ADGRA3: variants seen among roughly 807,000 people sequenced by gnomAD.
The protein encoded by ADGRA3 is G-protein coupled receptor 125.
Under a neutral mutation model 119.8 loss-of-function variants are expected in ADGRA3, and 56 were observed. The ratio of observed to expected loss-of-function variants is 0.47; its 90% CI spans 0.38 to 0.58. ADGRA3 has a LOEUF of 0.58. ADGRA3 is among the 20% of genes least tolerant of loss of function. The pLI is 0.00. For missense variants in ADGRA3, 1,516 were observed against 1,649.0 expected (o/e 0.92, Z 1.40); for synonymous variants, 607 against 623.8 (o/e 0.97, Z 0.40).
intron 2 of ADGRA3, among the ~76,000 whole-genome samples, chr4:22,465,515 T>C (rs1019396226): frequency 6.6e-6 from 1 of 152,064 alleles, no homozygotes; most frequent in African/African-American, 2.4e-5. Context: ...ACGAGAAAAA[T>C]GGTGAGCCCC....
chr4:22,514,655 T>A (rs1005517969), intron 1 of ADGRA3: 1 of 152,176 alleles, frequency 6.6e-6, no homozygotes, highest in African/African-American at 2.4e-5. Context: ...AAAATACCCA[T>A]GAGAAACACT....
chr4:22,431,725 G>A (rs1716179879), intron 10 of ADGRA3, among the ~76,000 whole-genome samples: 1 of 152,036 alleles, frequency 6.6e-6, no homozygotes, highest in Non-Finnish European at 1.5e-5. Context: ...ACCCACTCTC[G>A]GGTATGTCAT....
At chr4:22,438,034 T>C (rs1374471568) in intron 8 of ADGRA3, among the ~76,000 whole-genome samples, 1 of 152,200 alleles carries the variant, frequency 6.6e-6, no homozygotes, top group Non-Finnish European at 1.5e-5. Context: ...AAAATGACTC[T>C]ACTTTCAGAG....
At chr4:22,404,212 T>C (rs1714793764) in intron 14 of ADGRA3, among the ~76,000 whole-genome samples, 1 of 151,992 alleles carries the variant, frequency 6.6e-6, no homozygotes, top group African/African-American at 2.4e-5. Flanking sequence ...TAGGAAGCTG[T>C]TATTAATAAA....
chr4:22,475,020 T>C (rs535134936), intron 1 of ADGRA3, among the ~76,000 whole-genome samples: 4 of 152,220 alleles, frequency 2.6e-5, no homozygotes, highest in Non-Finnish European at 5.9e-5. Context: ...AAAACAGCCA[T>C]TTGGCATCTG....
chr4:22,441,250 G>A lies in ADGRA3; in HGVS notation c.920+1400C>T, dbSNP rs1716601459. The stretch of plus-strand genomic sequence containing the variant: ...ATAAAATGCACCAAGATCTCTTACT[G>A]ATCCTGAACTACACTTGCAGGTAGA... On this transcript the variant is annotated intron_variant, in intron 7 of 18. Transcript: ENST00000334304. Among the ~76,000 whole-genome samples the A allele has an allele frequency of 2.6e-5, 4 of 152,182 alleles. No homozygotes were observed. In the South Asian group the frequency reaches 8.3e-4, roughly 32 times the overall value.
At chr4:22,510,588 C>T (rs1220578597) in intron 1 of ADGRA3, among the ~76,000 whole-genome samples, 2 of 152,090 alleles carry the variant, frequency 1.3e-5, no homozygotes, top group African/African-American at 4.8e-5. Context: ...ATACCACATA[C>T]GGGCCGGGCC....
intron 1 of ADGRA3, among the ~76,000 whole-genome samples, chr4:22,477,884 C>G (rs16872728): frequency 6.6e-6 from 1 of 151,966 alleles, no homozygotes; most frequent in Middle Eastern, 3.2e-3. Context: ...ACAGCTTTTA[C>G]ACTCAATTTT....
chr4:22,409,026 CT>C (rs1715075111), intron 14 of ADGRA3, among the ~76,000 whole-genome samples: 4 of 152,146 alleles, frequency 2.6e-5, no homozygotes, highest in Non-Finnish European at 5.9e-5. Context: ...TACTACACAA[CT>C]AAAGTCTAAA....
At chr4:22,463,844 C>A (rs759076165) in intron 2 of ADGRA3, among the ~76,000 whole-genome samples, 5 of 152,172 alleles carry the variant, frequency 3.3e-5, no homozygotes, top group Admixed American at 2.0e-4. Flanking sequence ...TTTGATGTGT[C>A]AGTGGCACTG....
intron 1 of ADGRA3, among the ~76,000 whole-genome samples, chr4:22,506,749 G>GA (rs34984034): frequency 0.13 from 19,729 of 147,462 alleles, 1,485 homozygotes; most frequent in East Asian, 0.35. Context: ...AGTCAAGACG[G>GA]AAAAAAAAAA....
chr4:22,437,255 G>A (rs1716433025), intron 8 of ADGRA3, among the ~76,000 whole-genome samples: 1 of 152,116 alleles, frequency 6.6e-6, no homozygotes, highest in Admixed American at 6.5e-5. Flanking sequence ...AATAATAAAT[G>A]TTGATTTCCA....
chr4:22,448,301 T>A (rs1485457057), intron 4 of ADGRA3, among the ~76,000 whole-genome samples: 2 of 152,176 alleles, frequency 1.3e-5, no homozygotes, highest in Non-Finnish European at 2.9e-5. Context: ...TAATTGCCCA[T>A]TGCTCAGGAT....
chr4:22,477,934 T>C (rs1239131931), intron 1 of ADGRA3, among the ~76,000 whole-genome samples: 1 of 152,214 alleles, frequency 6.6e-6, no homozygotes, highest in Non-Finnish European at 1.5e-5. Context: ...CATAATATCA[T>C]GTATTATTAT....
chr4:22,413,544 T>C, intron 13 of ADGRA3, 57 bp downstream of exon 13: 1 of 1,500,470 alleles, frequency 6.7e-7, no homozygotes, highest in Non-Finnish European at 9.2e-7. Context: ...TTAGGAACAG[T>C]CAACTACAAG....
intron 3 of ADGRA3, 73 bp from the exon 4 acceptor site, chr4:22,455,010 A>G: frequency 1.0e-6 from 1 of 995,664 alleles, no homozygotes; most frequent in Non-Finnish European, 1.6e-6. Flanking sequence ...TTCAGTATTC[A>G]AGAACAGCAC....
chr4:22,454,983 A>G (rs1216376238), intron 3 of ADGRA3, 46 bp from the exon 4 acceptor site: 1 of 1,363,236 alleles, frequency 7.3e-7, no homozygotes, highest in East Asian at 2.3e-5. Flanking sequence ...TCTCTTGGTT[A>G]AAGAAGGTCT....
intron 1 of ADGRA3, among the ~76,000 whole-genome samples, chr4:22,476,540 C>T (rs1374620719): frequency 6.6e-6 from 1 of 152,022 alleles, no homozygotes; most frequent in Admixed American, 6.5e-5. Flanking sequence ...AACTGATATC[C>T]TTGATTGACA....
At chr4:22,442,043 T>A (rs932123129) in intron 7 of ADGRA3, among the ~76,000 whole-genome samples, 1 of 151,978 alleles carries the variant, frequency 6.6e-6, no homozygotes, top group Non-Finnish European at 1.5e-5. Flanking sequence ...AAGTTCTAGG[T>A]AGGTGGAAAG....
Sources: allele counts gnomAD v4.1 joint callset (sites outside exome capture counted in the v4.1 genomes callset), GRCh38; gene constraint gnomAD v4.1.1; transcripts MANE v1.5; gene names NCBI Gene and HGNC (gene_info 2026-07-23, HGNC 2026-07-21).